The following MROH9 variants were observed in gnomAD, a reference collection of about 807,000 sequenced individuals.
MROH9 encodes maestro heat-like repeat-containing protein family member 9.
In MROH9, 92 loss-of-function variants were observed where a neutral mutation model predicts 98.2. The ratio of observed to expected loss-of-function variants is 0.94; its 90% CI spans 0.79 to 1.11. The LOEUF is 1.11. Ranked by LOEUF, MROH9 falls within the 50% of genes most tolerant of loss-of-function variation. MROH9 has a pLI of 0.00. For synonymous variants in MROH9, 397 were observed against 368.9 expected, an observed-to-expected ratio of 1.08 and a Z score of -0.87; for missense variants, 1,057 against 1,014.8, an observed-to-expected ratio of 1.04 and a Z score of -0.57.
In MROH9 at chr1:170,988,525, T is replaced by C. The variant is rs555268177; in HGVS notation, c.880-1330T>C. Among the ~76,000 whole-genome samples the C allele has an allele frequency of 1.4e-4, 21 of 152,230 alleles. No individual in the cohort carries two copies. The East Asian group carries it at 4.1e-3, about 29-fold the overall frequency. On this transcript the variant is annotated intron_variant, in intron 10 of 21. Coordinates refer to ENST00000367759, the MANE Select transcript of MROH9 (RefSeq NM_001163629.2). Reference sequence around the variant, plus strand: ...AAGAGAGACCAAACAGAAAACTAGATTTGTAAAACTAGCTTCTGCTACAGT... The same window carrying C: ...AAGAGAGACCAAACAGAAAACTAGACTTGTAAAACTAGCTTCTGCTACAGT...
chr1:170,956,929 C>A (rs1649785217), intron 3 of MROH9, among the ~76,000 whole-genome samples: 1 of 151,438 alleles, frequency 6.6e-6, no homozygotes, highest in Non-Finnish European at 1.5e-5. Flanking sequence ...TTGTCTTGTT[C>A]CAGTTCTCAG....
At chr1:170,996,150 A>G (rs968432132) in intron 13 of MROH9, among the ~76,000 whole-genome samples, 9 of 152,184 alleles carry the variant, frequency 5.9e-5, no homozygotes, top group Admixed American at 2.0e-4. Context: ...AAGCATCCCA[A>G]CTAGATAAGA....
At chr1:170,959,337 T>A (rs1649915132) in intron 4 of MROH9, 125 bp from the exon 5 acceptor site, 4 of 825,046 alleles carry the variant, frequency 4.8e-6, no homozygotes, top group Non-Finnish European at 6.9e-6. Flanking sequence ...ATGGCACCAC[T>A]GCACTCCAGC....
intron 15 of MROH9, among the ~76,000 whole-genome samples, chr1:170,999,044 C>G (rs2101817399): frequency 6.6e-6 from 1 of 152,128 alleles, no homozygotes; most frequent in African/African-American, 2.4e-5. Context: ...TATGCTCAGT[C>G]TATTTTGACC....
chr1:170,950,643 T>C (rs1255905563), intron 3 of MROH9, among the ~76,000 whole-genome samples: 1 of 152,164 alleles, frequency 6.6e-6, no homozygotes, highest in Non-Finnish European at 1.5e-5. Flanking sequence ...CGTTCACTGT[T>C]TACGCTTTTG....
At position 170,959,592 on chromosome 1, in the gene MROH9, A is replaced by G; in HGVS notation, c.283A>G (p.Met95Val). 3.1e-6 allele frequency: 5 copies of G among 1,611,290 alleles called. No individual in the cohort carries two copies. The highest frequency in any genetic ancestry group is 4.2e-6 in the Non-Finnish European group (5 of 1,179,164). ...GAGCAGTTATGAGTACATTGAGGAC[A>G]TGGAGGTAAAATTTTTCTTCCTTTA... ...MGSSYEYIEDMENLYHNILNI... is the reference protein window; with the variant it reads ...MGSSYEYIEDVENLYHNILNI... Residue 95 changes from methionine to valine, a missense_variant, in exon 5 of 22, where the codon ATG (methionine) becomes GTG (valine). Physicochemically the swap from Met to Val is conservative, Grantham distance 21. Transcript: ENST00000367759.
intron 20 of MROH9, among the ~76,000 whole-genome samples, chr1:171,058,470 C>T (rs57300885): frequency 0.12 from 18,326 of 151,694 alleles, 1,202 homozygotes; most frequent in Middle Eastern, 0.23. Flanking sequence ...CTACTATTGA[C>T]ATTCTTCATA....
At chr1:170,955,494 T>G (rs1649724305) in intron 3 of MROH9, among the ~76,000 whole-genome samples, 1 of 152,192 alleles carries the variant, frequency 6.6e-6, no homozygotes, top group African/African-American at 2.4e-5. Context: ...GTTTTTTGAT[T>G]TTTTGATTAC....
At chr1:170,990,857 C>G (rs1651330655) in intron 11 of MROH9, among the ~76,000 whole-genome samples, 1 of 152,086 alleles carries the variant, frequency 6.6e-6, no homozygotes, top group African/African-American at 2.4e-5. Context: ...TAGTTAATGT[C>G]TGTGAAAGGG....
chr1:170,979,960 C>T (rs1438922885), intron 8 of MROH9, among the ~76,000 whole-genome samples: 2 of 152,004 alleles, frequency 1.3e-5, no homozygotes, highest in East Asian at 3.9e-4. Flanking sequence ...AGCAAAGAGC[C>T]AAATCATGAA....
intron 1 of MROH9, among the ~76,000 whole-genome samples, chr1:170,938,760 A>G (rs545248630): frequency 6.6e-6 from 1 of 152,308 alleles, no homozygotes; most frequent in East Asian, 1.9e-4. Context: ...GTAAGGACAA[A>G]ATGCTTCCTC....
At chr1:170,949,107 T>C (rs1490995175) in intron 3 of MROH9, among the ~76,000 whole-genome samples, 1 of 152,058 alleles carries the variant, frequency 6.6e-6, no homozygotes, top group Non-Finnish European at 1.5e-5. Context: ...TTGACCCTCT[T>C]TGAGGCAAGG....
intron 10 of MROH9, 98 bp from the exon 11 acceptor site, chr1:170,989,757 T>C: frequency 1.8e-6 from 2 of 1,137,158 alleles, no homozygotes; most frequent in South Asian, 1.7e-5. Context: ...CTTTGGTAAT[T>C]CTGAGAAAAA....
At chr1:171,010,187 A>T (rs1182251367) in intron 15 of MROH9, among the ~76,000 whole-genome samples, 1 of 152,130 alleles carries the variant, frequency 6.6e-6, no homozygotes, top group East Asian at 1.9e-4. Flanking sequence ...TTATGAGAAC[A>T]TGTGGTGTTT....
At chr1:171,063,669 T>G (rs1654079678) in intron 21 of MROH9, among the ~76,000 whole-genome samples, 1 of 152,252 alleles carries the variant, frequency 6.6e-6, no homozygotes, top group South Asian at 2.1e-4. Flanking sequence ...CCAAGAAATA[T>G]GGGCCTACAT....
In MROH9 at chr1:171,062,218, A is replaced by G. The variant is rs771074536; in HGVS notation, c.2344+24A>G. 1.4e-5 allele frequency: 20 copies of G among 1,457,842 alleles called. No homozygotes were observed. The African/African-American group carries it at 2.8e-4, about 21-fold the overall frequency. 90.3% of individuals were successfully genotyped at this position (1,457,842 alleles called of 1,614,324 possible). A position where few individuals can be genotyped will look rare whatever the true frequency, so the allele number is the denominator to read the frequency against. On this transcript the variant is annotated intron_variant, in intron 21 of 21. Transcript: ENST00000367759. ...TGGTGAGTATTGAGGTTATAACAAA[A>G]TCTTTATGCATAAATCTAAATACAT...
chr1:171,010,620 C>T (rs936899145), intron 15 of MROH9, among the ~76,000 whole-genome samples: 3 of 152,054 alleles, frequency 2.0e-5, no homozygotes, highest in Admixed American at 6.5e-5. Context: ...TTTTAATGAT[C>T]GCCATTCTAA....
At chr1:171,007,568 C>G (rs1652004188) in intron 15 of MROH9, among the ~76,000 whole-genome samples, 1 of 152,174 alleles carries the variant, frequency 6.6e-6, no homozygotes, top group Non-Finnish European at 1.5e-5. Context: ...AAGAACTGCT[C>G]CCAAACTGAA....
intron 11 of MROH9, among the ~76,000 whole-genome samples, chr1:170,991,834 C>T (rs1256916413): frequency 6.6e-6 from 1 of 151,990 alleles, no homozygotes; most frequent in Non-Finnish European, 1.5e-5. Flanking sequence ...AGTCACAAGG[C>T]CAGAGGAACA....
Sources: allele counts gnomAD v4.1 joint callset (sites outside exome capture counted in the v4.1 genomes callset), GRCh38; gene constraint gnomAD v4.1.1; transcripts MANE v1.5; gene names NCBI Gene and HGNC (gene_info 2026-07-23, HGNC 2026-07-21).